The following NAV3 variants were observed in gnomAD, a reference collection of about 807,000 sequenced individuals.
The protein encoded by NAV3 is pore membrane and/or filament interacting like protein 1.
NAV3 carries 87 observed loss-of-function variants against 244.7 expected under a neutral mutation model. The observed-to-expected ratio is 0.36, with a 90% CI of 0.30 to 0.42. The LOEUF (loss-of-function observed/expected upper bound fraction) is 0.42. Ranked by LOEUF, NAV3 falls within the 20% of genes least tolerant of loss-of-function variation. The pLI, the probability that NAV3 is intolerant of heterozygous loss-of-function variation, is 1.00. For synonymous variants in NAV3, 1,126 were observed against 1,042.2 expected (o/e 1.08, Z -1.55); for missense variants, 2,663 against 2,893.3 (o/e 0.92, Z 1.83).
rs755422149 is a variant in NAV3, at chr12:78,006,463, G to A, written c.925G>A (p.Val309Met). ...PQSSSGVNGN[V>M]QPPSTAGQPP... is the part of the protein sequence containing the mutation. ...ATCGTCTTCAGGTGTAAATGGTAAC[G>A]TGCAGCCTCCCAGTACTGCTGGGCA... Residue 309 changes from valine (V) to methionine (M), a missense_variant, in exon 8 of 40, where the codon GTG becomes ATG. Val to Met is a conservative substitution (Grantham distance 21, BLOSUM62 1). Coordinates refer to ENST00000397909, the MANE Select transcript of NAV3 (RefSeq NM_001024383.2). 19 of 1,613,868 alleles carry A rather than the reference G, an allele frequency of 1.2e-5. No homozygotes were observed. The Admixed American group carries it at 2.7e-4, about 23-fold the overall frequency.
upstream of NAV3, among the ~76,000 whole-genome samples, chr12:77,826,035 T>C (rs1014702111): frequency 1.5e-4 from 23 of 152,144 alleles, no homozygotes; most frequent in African/African-American, 5.5e-4. Context: ...ATATGAAGTA[T>C]AGAGTATGTG....
intron 12 of NAV3, among the ~76,000 whole-genome samples, chr12:78,063,749 T>A (rs536207903): frequency 6.6e-6 from 1 of 152,086 alleles, no homozygotes; most frequent in African/African-American, 2.4e-5. Flanking sequence ...GCATACAACT[T>A]TTTGACATCC....
rs761846025 is a variant in NAV3 at position 78,190,068 on chromosome 12, T to G, written c.6140T>G (p.Met2047Arg). 9 of 1,613,246 alleles carry G rather than the reference T, an allele frequency of 5.6e-6. No homozygotes were observed. In the South Asian group the frequency reaches 9.9e-5, roughly 18 times the overall value. The change falls in exon 34 of 40, where the codon ATG becomes AGG. Residue 2047 changes from methionine (M) to arginine (R), a missense_variant. Physicochemically the swap from Met to Arg is moderately conservative, Grantham distance 91. This residue lies in a region of NAV3 where 543 missense variants were observed against 672.4 expected (regional missense o/e 0.81). Coordinates refer to ENST00000397909, the MANE Select transcript of NAV3 (RefSeq NM_001024383.2). The stretch of plus-strand genomic sequence containing the variant: ...ACCCAAAGGTACTTTAACTTGTTGA[T>G]GGAGCATCACAGAATTATACTCTCA... Reference protein sequence around the residue: ...PITQRYFNLLMEHHRIILSGP... With the variant: ...PITQRYFNLLREHHRIILSGP...
At chr12:77,985,979 C>T (rs1471626326) in intron 5 of NAV3, among the ~76,000 whole-genome samples, 1 of 152,086 alleles carries the variant, frequency 6.6e-6, no homozygotes, top group African/African-American at 2.4e-5. Context: ...TTTTGGTAGT[C>T]TCCCATGCAA....
At chr12:77,950,748 C>A (rs1890794335) in intron 3 of NAV3, 1 of 152,096 alleles carries the variant, frequency 6.6e-6, no homozygotes, top group Admixed American at 6.6e-5. Flanking sequence ...GAACAGAGCC[C>A]TCAGAAATAA....
At chr12:77,961,958 C>T (rs1316914372) in intron 3 of NAV3, among the ~76,000 whole-genome samples, 4 of 151,928 alleles carry the variant, frequency 2.6e-5, no homozygotes, top group Non-Finnish European at 4.4e-5. Context: ...CTATTATGAG[C>T]ACCTTTCATG....
chr12:77,717,288 C>T (rs1876405325), intron 2 of NAV3, among the ~76,000 whole-genome samples: 1 of 152,040 alleles, frequency 6.6e-6, no homozygotes, highest in African/African-American at 2.4e-5. Context: ...TTCCTCTCTC[C>T]TCAGCTGCTA....
chr12:78,059,053 C>T lies in NAV3; in HGVS notation c.2574C>T (p.Asp858=), dbSNP rs747695879. The change falls in exon 12 of 40, where the codon GAC becomes GAT. Residue 858 remains aspartate, a synonymous_variant. Transcript: ENST00000397909. ...CTAGAAGTCTGAACCGAATACCAGA[C>T]ACAGCAACTTCCCGGGACATCATCC... ...LYTRSLNRIP[D]TATSRDIIQR... is the part of the protein sequence containing the mutation. The T allele has an allele frequency of 6.2e-7, 1 of 1,612,064 alleles. No homozygotes were observed. The highest frequency in any genetic ancestry group is 1.1e-5 in the South Asian group (1 of 90,890).
intron 2 of NAV3, among the ~76,000 whole-genome samples, chr12:77,727,773 G>A (rs1008337823): frequency 2.0e-5 from 3 of 151,930 alleles, no homozygotes; most frequent in African/African-American, 7.2e-5. Context: ...AAGAAGATAA[G>A]TAACTTTTCC....
In NAV3 at chr12:78,122,366, C is replaced by A. The variant is rs1327865881; in HGVS notation, c.4176C>A (p.Gly1392=). The A allele has an allele frequency of 6.2e-7, 1 of 1,613,702 alleles. No individual in the cohort carries two copies. The highest frequency in any genetic ancestry group is 8.5e-7 in the Non-Finnish European group (1 of 1,179,894). ...GCTCCTTGTCTGGACTGACCACAGG[C>A]ACTCACGAGGTCCAGAGCCTGCTCA... is the stretch of plus-strand genomic sequence containing the variant. The part of the protein sequence containing the change: ...HHGSLSGLTT[G]THEVQSLLMR... The change falls in exon 16 of 40, where the codon GGC becomes GGA. Residue 1392 remains glycine, a synonymous_variant. Coordinates refer to ENST00000397909, the MANE Select transcript of NAV3 (RefSeq NM_001024383.2).
Position 77,861,861 on chromosome 12 carries a change from A to G in NAV3, c.243+30157A>G, listed in dbSNP as rs1879302543. On this transcript the variant is annotated intron_variant, in intron 1 of 39. Transcript: ENST00000397909. ...AAATTAAGCTTTCTTTTGAGCAACT[A>G]GAAGAATAGTCCCTACTCCGCAATG... 2.6e-5 allele frequency among the ~76,000 whole-genome samples: 4 copies of G among 151,864 alleles called. No homozygotes were observed. The South Asian group carries it at 6.2e-4, about 24-fold the overall frequency.
chr12:77,699,562 G>A (rs1433420611), intron 2 of NAV3, among the ~76,000 whole-genome samples: 1 of 152,088 alleles, frequency 6.6e-6, no homozygotes, highest in African/African-American at 2.4e-5. Flanking sequence ...ATGGCTGGGG[G>A]AAGGAATCAT....
chr12:77,613,435 C>A (rs1225770751), intron 2 of NAV3, among the ~76,000 whole-genome samples: 1 of 152,120 alleles, frequency 6.6e-6, no homozygotes, highest in Non-Finnish European at 1.5e-5. Context: ...GCAGCAGGGC[C>A]AGTGTCAGTG....
At position 78,122,208 on chromosome 12, in the gene NAV3, A is replaced by G; in HGVS notation, c.4018A>G (p.Thr1340Ala). Reference protein sequence around the residue: ...ASSPASVHSFTSGGLVWAANM... With the variant: ...ASSPASVHSFASGGLVWAANM... ...CAGCCCAGCATCGGTTCACTCTTTC[A>G]CATCAGGTGGTCTCGTGTGGGCTGC... is the stretch of plus-strand genomic sequence containing the variant. Residue 1340 changes from threonine to alanine, a missense_variant, in exon 16 of 40, where the codon ACA becomes GCA. Thr to Ala is a moderately conservative substitution (Grantham distance 58). Transcript: ENST00000397909. 1 of 1,613,786 alleles carries G rather than the reference A, an allele frequency of 6.2e-7. No individual in the cohort carries two copies. Among genetic ancestry groups the G allele is most frequent in the South Asian group, 1.1e-5 (1 of 91,026 alleles).
chr12:78,139,834 A>T (rs965993315), intron 19 of NAV3, among the ~76,000 whole-genome samples: 5 of 152,214 alleles, frequency 3.3e-5, no homozygotes, highest in African/African-American at 1.2e-4. Context: ...CACATTAGAT[A>T]AAAGTGCTTA....
intron 2 of NAV3, among the ~76,000 whole-genome samples, chr12:77,621,476 T>TC (rs1177342658): frequency 2.8e-5 from 4 of 143,294 alleles, no homozygotes. Context: ...TTTTCTCTTC[T>TC]CTTTTTTTTT....
At chr12:77,630,090 G>A (rs1871819002) in intron 2 of NAV3, among the ~76,000 whole-genome samples, 1 of 152,186 alleles carries the variant, frequency 6.6e-6, no homozygotes, top group African/African-American at 2.4e-5. Context: ...CAGAAAAACA[G>A]TTAGGATCTG....
chr12:78,179,047 G>A lies in NAV3; in HGVS notation c.5364-482G>A, dbSNP rs374490519. On this transcript the variant is annotated intron_variant, in intron 28 of 39. Transcript: ENST00000397909. ...TTTATTTTCTACAATGTTTATATTG[G>A]ATTTTTATGGTAATTAAAGACAGTA... 7.9e-5 allele frequency among the ~76,000 whole-genome samples: 12 copies of A among 152,002 alleles called. No individual in the cohort carries two copies. In the East Asian group the frequency reaches 1.7e-3, roughly 22 times the overall value.
intron 2 of NAV3, among the ~76,000 whole-genome samples, chr12:77,811,436 C>T (rs547944001): frequency 3.3e-4 from 50 of 152,210 alleles, no homozygotes; most frequent in Non-Finnish European, 4.1e-4. Flanking sequence ...ATCAAGTCTC[C>T]GTCAAATTAT....
Sources: allele counts gnomAD v4.1 joint callset (sites outside exome capture counted in the v4.1 genomes callset), GRCh38; gene constraint gnomAD v4.1.1; regional missense constraint gnomAD v4.1.1; transcripts MANE v1.5; gene names NCBI Gene and HGNC (gene_info 2026-07-23, HGNC 2026-07-21).